The following EYS variants were observed in gnomAD, a reference collection of about 807,000 sequenced individuals.
The protein encoded by EYS is EGF-like photoreceptor maintenance factor, also known as protein eyes shut homolog.
Under a neutral mutation model 282.1 loss-of-function variants are expected in EYS, and 250 were observed. The ratio of observed to expected loss-of-function variants is 0.89; its 90% CI spans 0.80 to 0.98. The LOEUF is 0.98. Ranked by LOEUF, EYS falls within the 50% of genes least tolerant of loss-of-function variation. The pLI, the probability that EYS is intolerant of heterozygous loss-of-function variation, is 0.00. For synonymous variants in EYS, 1,355 were observed against 1,282.9 expected (o/e 1.06, Z -1.20); for missense variants, 4,016 against 3,709.0 (o/e 1.08, Z -2.15).
chr6:65,700,587 C>T (rs141506379), intron 1 of EYS, among the ~76,000 whole-genome samples: 29 of 152,068 alleles, frequency 1.9e-4, no homozygotes, highest in Admixed American at 1.5e-3. Flanking sequence ...ACCTCTGGTG[C>T]GTAATATTGA....
intron 22 of EYS, among the ~76,000 whole-genome samples, chr6:64,698,126 AT>A (rs1400689616): frequency 1.3e-5 from 2 of 152,158 alleles, no homozygotes; most frequent in African/African-American, 4.8e-5. Context: ...AATTTTAAAC[AT>A]TTTGAAACAA....
At chr6:64,593,414 G>C in intron 24 of EYS, 105 bp from the exon 25 acceptor site, 1 of 713,260 alleles carries the variant, frequency 1.4e-6, no homozygotes, top group Non-Finnish European at 2.2e-6. Context: ...TAGACATATT[G>C]GATAGCTCAA....
In EYS at chr6:65,057,960, T is replaced by C. The variant is rs575422099; in HGVS notation, c.2024-233A>G. ...AGGACACTAATCTCTTCTGAGTTTG[T>C]AGGCATGCAAAGTCTCTTTAGATGT... is the stretch of plus-strand genomic sequence containing the variant. On this transcript the variant is annotated intron_variant, in intron 12 of 42. Coordinates refer to ENST00000503581, the MANE Select transcript of EYS (RefSeq NM_001142800.2). Among the ~76,000 whole-genome samples the C allele has an allele frequency of 4.9e-4, 74 of 152,270 alleles. 2 individuals carry two copies. The South Asian group carries it at 0.014, about 29-fold the overall frequency.
At chr6:65,514,262 A>G (rs377357280) in intron 2 of EYS, among the ~76,000 whole-genome samples, 2 of 152,230 alleles carry the variant, frequency 1.3e-5, no homozygotes, top group East Asian at 3.9e-4. Context: ...AAGGAGAACT[A>G]CAAACCACTG....
At chr6:63,826,845 C>CAAAAAAAAAAAAAAAAAGGAAAAAA (rs1771475400) in intron 36 of EYS, among the ~76,000 whole-genome samples, 16 of 76,736 alleles carry the variant, frequency 2.1e-4, no homozygotes, top group South Asian at 9.7e-4. Context: ...AGTTAAAAAG[C>CAAAAAAAAAAAAAAAAAGGAAAAAA]AAAAAAAAAA....
intron 28 of EYS, among the ~76,000 whole-genome samples, chr6:64,402,341 A>G (rs529495414): frequency 1.2e-4 from 18 of 152,188 alleles, no homozygotes; most frequent in Non-Finnish European, 2.5e-4. Flanking sequence ...TGATTTATCC[A>G]TCTTTGATTT....
In EYS at chr6:65,486,519, A is replaced by AT. The variant is rs556880620; in HGVS notation, c.862+4074dup. On this transcript the variant is annotated intron_variant, in intron 5 of 42. Transcript: ENST00000503581. The stretch of plus-strand genomic sequence containing the variant: ...GTTTTTGAACATTACAGTAAGTTGC[A>AT]TTTTTTAGATAAAGCATTGAAGTTT... Among the ~76,000 whole-genome samples the AT allele has an allele frequency of 8.9e-4, 135 of 152,300 alleles. 2 individuals carry two copies. Among genetic ancestry groups the AT allele is most frequent in the African/African-American group, 2.6e-3 (109 of 41,588 alleles).
At chr6:65,330,149 G>T in intron 11 of EYS, 1 of 980,550 alleles carries the variant, frequency 1.0e-6, no homozygotes, top group African/African-American at 1.7e-5. Flanking sequence ...AGAACCATGA[G>T]ATGTGTTCTG....
chr6:64,889,471 C>T (rs1767209895), intron 18 of EYS, among the ~76,000 whole-genome samples: 1 of 151,832 alleles, frequency 6.6e-6, no homozygotes, highest in Non-Finnish European at 1.5e-5. Context: ...CTTTTGAACC[C>T]TTTGTTAGTT....
At chr6:64,099,618 T>G (rs1019845835) in intron 31 of EYS, among the ~76,000 whole-genome samples, 2 of 152,174 alleles carry the variant, frequency 1.3e-5, no homozygotes, top group African/African-American at 4.8e-5. Context: ...AAATAGACAG[T>G]ATCTAGATGC....
chr6:64,037,236 C>T (rs1286584366), intron 33 of EYS, among the ~76,000 whole-genome samples: 2 of 152,146 alleles, frequency 1.3e-5, no homozygotes, highest in African/African-American at 2.4e-5. Context: ...CTGTGGAAAA[C>T]GGTCCTATTA....
chr6:65,666,146 T>C (rs1334251238), intron 1 of EYS, among the ~76,000 whole-genome samples: 2 of 151,758 alleles, frequency 1.3e-5, no homozygotes, highest in Non-Finnish European at 3.0e-5. Context: ...CATGTTCATT[T>C]CCCTATAGCT....
intron 19 of EYS, among the ~76,000 whole-genome samples, chr6:64,873,291 G>A (rs574187055): frequency 4.6e-5 from 7 of 151,996 alleles, no homozygotes; most frequent in Non-Finnish European, 8.8e-5. Context: ...AGAACTGCAC[G>A]GGAAAGACCC....
chr6:64,082,565 T>C (rs985137398), intron 31 of EYS, among the ~76,000 whole-genome samples: 1 of 152,106 alleles, frequency 6.6e-6, no homozygotes. Flanking sequence ...TAATTATATG[T>C]CAATAAAGTG....
intron 15 of EYS, among the ~76,000 whole-genome samples, chr6:64,923,379 C>T (rs1037359059): frequency 6.6e-5 from 10 of 152,136 alleles, no homozygotes; most frequent in African/African-American, 2.4e-4. Flanking sequence ...CCCCTGGGTC[C>T]CTTCCATAAC....
chr6:64,128,028 A>G (rs747439784), intron 31 of EYS, among the ~76,000 whole-genome samples: 6 of 152,144 alleles, frequency 3.9e-5, no homozygotes, highest in Non-Finnish European at 8.8e-5. Flanking sequence ...GTCATCTACA[A>G]TCTTGAGTCT....
chr6:65,150,520 T>C (rs1764587952), intron 12 of EYS, among the ~76,000 whole-genome samples: 1 of 151,946 alleles, frequency 6.6e-6, no homozygotes, highest in African/African-American at 2.4e-5. Flanking sequence ...ACCAGTATAT[T>C]TATTTTCTAT....
intron 31 of EYS, among the ~76,000 whole-genome samples, chr6:64,169,430 A>T (rs1354821881): frequency 2.1e-4 from 7 of 33,730 alleles, no homozygotes; most frequent in African/African-American, 4.4e-4. Context: ...TTTGAGGAGG[A>T]GTTTTTTTTT....
intron 28 of EYS, among the ~76,000 whole-genome samples, chr6:64,397,394 G>A (rs1302731451): frequency 6.6e-6 from 1 of 151,988 alleles, no homozygotes; most frequent in Non-Finnish European, 1.5e-5. Context: ...ATGTATGATA[G>A]AATTCACTAG....
Sources: allele counts gnomAD v4.1 joint callset (sites outside exome capture counted in the v4.1 genomes callset), GRCh38; gene constraint gnomAD v4.1.1; transcripts MANE v1.5; gene names NCBI Gene and HGNC (gene_info 2026-07-23, HGNC 2026-07-21).